Variants in ADGRL2 observed in about 807,000 individuals in gnomAD.
ADGRL2 encodes the protein adhesion G protein-coupled receptor L2, also known as calcium-independent alpha-latrotoxin receptor 2.
A neutral mutation model predicts 157.4 loss-of-function variants in ADGRL2; 44 were observed. That is an observed-to-expected ratio of 0.28 (90% confidence interval 0.22 to 0.36). The LOEUF (loss-of-function observed/expected upper bound fraction) is 0.36. Ranked by LOEUF, ADGRL2 falls within the 10% of genes least tolerant of loss-of-function variation. The pLI is 1.00. For missense variants in ADGRL2, 1,510 were observed against 1,768.9 expected, an observed-to-expected ratio of 0.85 and a Z score of 2.63; for synonymous variants, 585 against 624.7, an observed-to-expected ratio of 0.94 and a Z score of 0.95.
At chr1:81,893,566 GCT>G (rs1452138944) in intron 2 of ADGRL2, among the ~76,000 whole-genome samples, 3 of 152,144 alleles carry the variant, frequency 2.0e-5, no homozygotes, top group African/African-American at 4.8e-5. Flanking sequence ...AGTTGGAACT[GCT>G]CTGTTTCCTC....
At chr1:81,570,045 T>C (rs2080651365) in intron 2 of ADGRL2, among the ~76,000 whole-genome samples, 1 of 152,068 alleles carries the variant, frequency 6.6e-6, no homozygotes, top group Non-Finnish European at 1.5e-5. Context: ...CTTAACCAAT[T>C]CTTTCAAAGC....
At chr1:81,885,044 A>C (rs79096997) in intron 2 of ADGRL2, among the ~76,000 whole-genome samples, 7,244 of 152,226 alleles carry the variant, frequency 0.048, 525 homozygotes, top group African/African-American at 0.15. Context: ...CAAGGGAAAC[A>C]GTGTATGGAG....
chr1:81,952,035 G>C lies in ADGRL2; in HGVS notation c.1687G>C (p.Val563Leu), dbSNP rs952925844. ...CAAAGGGCCAGTGTTTGCTGGGGAT[G>C]TAAGTTCTTCAGTGAGATTGATGGA... Reference protein sequence around the residue: ...HTKGPVFAGDVSSSVRLMEQL... With the variant: ...HTKGPVFAGDLSSSVRLMEQL... Residue 563 changes from valine (V) to leucine (L), a missense_variant, in exon 9 of 24, where the codon GTA becomes CTA. Val to Leu is a conservative substitution (Grantham distance 32). Coordinates refer to ENST00000686636, the MANE Select transcript of ADGRL2 (RefSeq NM_001366006.2). The C allele has an allele frequency of 5.0e-6, 8 of 1,613,700 alleles. No individual in the cohort carries two copies. Among genetic ancestry groups the C allele is most frequent in the African/African-American group, 1.3e-5 (1 of 74,918 alleles).
intron 3 of ADGRL2, among the ~76,000 whole-genome samples, chr1:81,671,038 C>A (rs150255659): frequency 1.8e-3 from 271 of 152,300 alleles, no homozygotes; most frequent in African/African-American, 5.1e-3. Context: ...TAAGCCATAT[C>A]TGTCAACATT....
intron 2 of ADGRL2, among the ~76,000 whole-genome samples, chr1:81,877,300 ATCATAGCTCTTCTGT>A (rs1468281490): frequency 3.3e-5 from 5 of 152,078 alleles, no homozygotes; most frequent in Non-Finnish European, 7.4e-5. Context: ...ATAAGTCTGA[ATCATAGCTCTTCTGT>A]TCATGACCTT....
intron 1 of ADGRL2, among the ~76,000 whole-genome samples, chr1:81,383,135 T>G (rs1225677682): frequency 2.6e-5 from 4 of 152,178 alleles, no homozygotes; most frequent in Non-Finnish European, 4.4e-5. Context: ...CCAGTGGTCT[T>G]TGTTGAGCCG....
intron 2 of ADGRL2, among the ~76,000 whole-genome samples, chr1:81,789,736 G>C (rs1337111158): frequency 6.7e-6 from 1 of 149,692 alleles, no homozygotes; most frequent in Admixed American, 6.7e-5. Flanking sequence ...TGTAAAACAG[G>C]AATGTAAACA....
At chr1:81,754,467 T>C (rs2085603983) in intron 1 of ADGRL2, among the ~76,000 whole-genome samples, 1 of 117,840 alleles carries the variant, frequency 8.5e-6, no homozygotes, top group Non-Finnish European at 1.7e-5. Context: ...TCCTCCCCCT[T>C]CTCCCCTCCC....
At chr1:81,631,732 C>T (rs946035873) in intron 3 of ADGRL2, among the ~76,000 whole-genome samples, 5 of 152,124 alleles carry the variant, frequency 3.3e-5, no homozygotes, top group Non-Finnish European at 7.4e-5. Flanking sequence ...TAATTAGGTC[C>T]TTGATTGTTC....
At chr1:81,799,069 C>T (rs2087737501), upstream of ADGRL2, among the ~76,000 whole-genome samples, 1 of 152,088 alleles carries the variant, frequency 6.6e-6, no homozygotes, top group African/African-American at 2.4e-5. Flanking sequence ...ATAAAATTAC[C>T]TCTGAGGTCT....
intron 1 of ADGRL2, among the ~76,000 whole-genome samples, chr1:81,357,708 A>G (rs1663416885): frequency 6.6e-6 from 1 of 152,194 alleles, no homozygotes; most frequent in Non-Finnish European, 1.5e-5. Context: ...TGGGGCAGGC[A>G]GGCTTGGGGG....
intron 1 of ADGRL2, among the ~76,000 whole-genome samples, chr1:81,344,153 C>T (rs1267341815): frequency 6.6e-6 from 1 of 152,134 alleles, no homozygotes; most frequent in African/African-American, 2.4e-5. Context: ...ACTGCAACCT[C>T]CGCCTCCCAG....
chr1:81,850,732 A>C (rs1173397110), intron 2 of ADGRL2, among the ~76,000 whole-genome samples: 2 of 151,910 alleles, frequency 1.3e-5, no homozygotes, highest in Non-Finnish European at 2.9e-5. Context: ...GTTATTGAAC[A>C]CTGGAAATGT....
At chr1:81,419,500 A>G (rs1045331606) in intron 1 of ADGRL2, among the ~76,000 whole-genome samples, 2 of 152,186 alleles carry the variant, frequency 1.3e-5, no homozygotes, top group African/African-American at 4.8e-5. Context: ...GAGCCATTGC[A>G]CCTGGCCATT....
intron 3 of ADGRL2, among the ~76,000 whole-genome samples, chr1:81,631,793 A>G (rs941774243): frequency 6.6e-6 from 1 of 152,154 alleles, no homozygotes; most frequent in Non-Finnish European, 1.5e-5. Flanking sequence ...GATTATCGCC[A>G]TTCTCACTTC....
At chr1:81,375,852 T>C (rs371514838) in intron 1 of ADGRL2, among the ~76,000 whole-genome samples, 45 of 151,680 alleles carry the variant, frequency 3.0e-4, no homozygotes, top group African/African-American at 1.1e-3. Flanking sequence ...TTGGATTTAA[T>C]GATTTTTTTT....
chr1:81,713,203 C>A (rs1325702843), intron 1 of ADGRL2, among the ~76,000 whole-genome samples: 1 of 152,186 alleles, frequency 6.6e-6, no homozygotes, highest in Non-Finnish European at 1.5e-5. Flanking sequence ...ATCCAAGAGT[C>A]AGAGTTCATA....
At chr1:81,911,731 C>G (rs541227158) in intron 3 of ADGRL2, among the ~76,000 whole-genome samples, 1 of 152,070 alleles carries the variant, frequency 6.6e-6, no homozygotes, top group Non-Finnish European at 1.5e-5. Flanking sequence ...CAAAGCAATT[C>G]GTAGACATGT....
At chr1:81,448,127 T>C (rs901071635) in intron 2 of ADGRL2, among the ~76,000 whole-genome samples, 1 of 147,764 alleles carries the variant, frequency 6.8e-6, no homozygotes, top group Admixed American at 7.0e-5. Flanking sequence ...CTTTTTCTTT[T>C]TCTTTCTTTC....
Sources: allele counts gnomAD v4.1 joint callset (sites outside exome capture counted in the v4.1 genomes callset), GRCh38; gene constraint gnomAD v4.1.1; transcripts MANE v1.5; gene names NCBI Gene and HGNC (gene_info 2026-07-23, HGNC 2026-07-21).